The following CNTN5 variants were observed in gnomAD, a reference collection of about 807,000 sequenced individuals.
CNTN5 encodes contactin 5.
A neutral mutation model predicts 129.1 loss-of-function variants in CNTN5; 77 were observed. The ratio of observed to expected loss-of-function variants is 0.60; its 90% CI spans 0.50 to 0.72. The LOEUF (loss-of-function observed/expected upper bound fraction) is 0.72, where lower values mean the gene tolerates loss of function less well. CNTN5 is among the 30% of genes least tolerant of loss of function. CNTN5 has a pLI of 0.00. For synonymous variants in CNTN5, 509 were observed against 465.6 expected (o/e 1.09, Z -1.20); for missense variants, 1,478 against 1,328.8 (o/e 1.11, Z -1.75).
intron 2 of CNTN5, among the ~76,000 whole-genome samples, chr11:99,478,647 A>G (rs1404035096): frequency 2.0e-5 from 3 of 151,216 alleles, no homozygotes; most frequent in Non-Finnish European, 3.0e-5. Context: ...GGATATATGG[A>G]TTTTTTTTTG....
At chr11:99,253,945 G>T (rs188307731) in intron 1 of CNTN5, among the ~76,000 whole-genome samples, 1 of 142,720 alleles carries the variant, frequency 7.0e-6, no homozygotes, top group African/African-American at 2.7e-5. Flanking sequence ...ATATGCATAG[G>T]CTCTATGCAT....
At chr11:99,903,323 A>G (rs1028357322) in intron 6 of CNTN5, among the ~76,000 whole-genome samples, 1 of 151,876 alleles carries the variant, frequency 6.6e-6, no homozygotes, top group Admixed American at 6.6e-5. Context: ...AACCGTAACC[A>G]TAGTATAATC....
At position 99,904,343 on chromosome 11, in the gene CNTN5, C is replaced by T. The variant is rs977200671; in HGVS notation, c.578-11711C>T. Among the ~76,000 whole-genome samples the T allele has an allele frequency of 1.3e-4, 20 of 152,002 alleles. No homozygotes were observed. In the East Asian group the frequency reaches 1.6e-3, roughly 12 times the overall value. On this transcript the variant is annotated intron_variant, in intron 6 of 24. Transcript: ENST00000524871. ...TGTGTGATGTTCCCCTCCCCGTGTC[C>T]GTGTGTTCTCATTGTTCAACTTCCA...
intron 1 of CNTN5, among the ~76,000 whole-genome samples, chr11:99,164,587 T>G (rs1054526087): frequency 6.6e-6 from 1 of 152,186 alleles, no homozygotes; most frequent in Admixed American, 6.6e-5. Context: ...CTTAATGTGC[T>G]TAAATTCAGA....
intron 3 of CNTN5, among the ~76,000 whole-genome samples, chr11:99,787,583 C>A (rs1401469698): frequency 6.7e-6 from 1 of 150,324 alleles, no homozygotes; most frequent in African/African-American, 2.4e-5. Context: ...CTCTTCTAAT[C>A]AATAAGTTGT....
intron 2 of CNTN5, among the ~76,000 whole-genome samples, chr11:99,394,008 T>C (rs982547331): frequency 6.6e-6 from 1 of 151,758 alleles, no homozygotes; most frequent in African/African-American, 2.4e-5. Flanking sequence ...TCTATTTCTT[T>C]CTTAACGAGT....
intron 2 of CNTN5, among the ~76,000 whole-genome samples, chr11:99,496,564 C>T (rs1318833934): frequency 6.6e-6 from 1 of 152,158 alleles, no homozygotes; most frequent in Non-Finnish European, 1.5e-5. Flanking sequence ...CAAATGGGAA[C>T]ATTTGTAAAG....
chr11:99,493,708 T>C (rs1406278941), intron 2 of CNTN5, among the ~76,000 whole-genome samples: 8 of 152,144 alleles, frequency 5.3e-5, no homozygotes, highest in African/African-American at 1.2e-4. Context: ...CAGAGGAGGA[T>C]TGAGGTGTTC....
At chr11:100,064,714 T>C (rs1017131058) in intron 10 of CNTN5, among the ~76,000 whole-genome samples, 1 of 152,122 alleles carries the variant, frequency 6.6e-6, no homozygotes, top group African/African-American at 2.4e-5. Flanking sequence ...TTTTAACTCA[T>C]CATATAAAAT....
intron 13 of CNTN5, among the ~76,000 whole-genome samples, chr11:100,091,424 CTTTTTTT>C (rs60075209): frequency 0.25 from 28,514 of 114,224 alleles, 3,130 homozygotes; most frequent in South Asian, 0.37. Flanking sequence ...TTTATTTATT[CTTTTTTT>C]TTTTTTTTTT....
intron 3 of CNTN5, among the ~76,000 whole-genome samples, chr11:99,587,802 A>G (rs1261305925): frequency 6.6e-6 from 1 of 152,150 alleles, no homozygotes; most frequent in Non-Finnish European, 1.5e-5. Flanking sequence ...ACTTTGAAGG[A>G]TTATCTAGGT....
rs1210164090 is a variant in CNTN5 at position 100,299,347 on chromosome 11, A to G, written c.2571A>G (p.Lys857=). Residue 857 remains lysine (K), a synonymous_variant, in exon 20 of 25, where the codon AAA becomes AAG. Transcript: ENST00000524871. ...TGAAAGTTGGCGTTTATAACAATAA[A>G]GGAGATGGGCCTTTTAGTCAAATTG... The part of the protein sequence containing the change: ...FEVKVGVYNN[K]GDGPFSQIVV... 1 of 1,610,160 alleles carries G rather than the reference A, an allele frequency of 6.2e-7. No homozygotes were observed. Among genetic ancestry groups the G allele is most frequent in the African/African-American group, 1.3e-5 (1 of 74,624 alleles).
intron 1 of CNTN5, among the ~76,000 whole-genome samples, chr11:99,066,517 A>T (rs1286286405): frequency 6.6e-6 from 1 of 152,198 alleles, no homozygotes; most frequent in East Asian, 1.9e-4. Flanking sequence ...TGTTAAATAC[A>T]TGTGGAAATT....
chr11:100,091,771 G>C (rs573834892), intron 13 of CNTN5, among the ~76,000 whole-genome samples: 1 of 152,082 alleles, frequency 6.6e-6, no homozygotes, highest in South Asian at 2.1e-4. Flanking sequence ...AATTGAATCA[G>C]GGGGCTTGTT....
intron 3 of CNTN5, among the ~76,000 whole-genome samples, chr11:99,704,019 T>C (rs906183320): frequency 4.6e-5 from 7 of 150,874 alleles, no homozygotes; most frequent in Admixed American, 6.6e-5. Context: ...CCATAATAAA[T>C]GAAGGCAATA....
intron 1 of CNTN5, among the ~76,000 whole-genome samples, chr11:99,322,584 C>T (rs138671039): frequency 0.012 from 1,877 of 152,120 alleles, 30 homozygotes; most frequent in Non-Finnish European, 0.018. Flanking sequence ...GGTTTAATTA[C>T]AAGGTTTTAT....
At chr11:99,756,008 A>G (rs1944393405) in intron 3 of CNTN5, among the ~76,000 whole-genome samples, 1 of 152,112 alleles carries the variant, frequency 6.6e-6, no homozygotes, top group Non-Finnish European at 1.5e-5. Flanking sequence ...AATTATTACT[A>G]TATCCTTGCA....
chr11:99,503,160 CT>C (rs1946488471), intron 2 of CNTN5, among the ~76,000 whole-genome samples: 1 of 151,972 alleles, frequency 6.6e-6, no homozygotes, highest in Admixed American at 6.6e-5. Flanking sequence ...CCTCTATAAC[CT>C]TTTCCCTATG....
intron 7 of CNTN5, among the ~76,000 whole-genome samples, chr11:99,932,306 C>G (rs895430128): frequency 6.6e-6 from 1 of 152,172 alleles, no homozygotes; most frequent in African/African-American, 2.4e-5. Flanking sequence ...AATTCTCCTG[C>G]CTCAGCCTTC....
Sources: gnomAD v4.1 joint callset for allele counts (sites outside exome capture counted in the v4.1 genomes callset) on GRCh38, gnomAD v4.1.1 for gene constraint, MANE v1.5 for transcripts, NCBI Gene and HGNC (gene_info 2026-07-23, HGNC 2026-07-21) for gene names.